Variants in KIF1A observed in about 807,000 individuals in gnomAD.
KIF1A encodes kinesin-like protein KIF1A.
A neutral mutation model predicts 227.3 loss-of-function variants in KIF1A; 46 were observed. The ratio of observed to expected loss-of-function variants is 0.20; its 90% CI spans 0.16 to 0.26. The LOEUF is 0.26. Among genes scored for constraint, KIF1A ranks in the 10% least tolerant of loss-of-function variants. The pLI is 1.00. For missense variants in KIF1A, 1,683 were observed against 2,485.9 expected (o/e 0.68, Z 6.87); for synonymous variants, 1,022 against 1,012.8 (o/e 1.01, Z -0.17).
intron 16 of KIF1A, 121 bp from the exon 17 acceptor site, chr2:240,769,329 G>T (rs555037831): frequency 1.2e-6 from 1 of 801,688 alleles, no homozygotes; most frequent in Non-Finnish European, 2.0e-6. Context: ...GTGCCCATGC[G>T]TGTCCCATCT....
chr2:240,816,439 T>C (rs74000010), intron 1 of KIF1A, among the ~76,000 whole-genome samples: 1,965 of 152,068 alleles, frequency 0.013, 29 homozygotes, highest in African/African-American at 0.044. Context: ...GGGTGACTGC[T>C]CTGGACCCCT....
rs867667869 is a variant in KIF1A, at chr2:240,793,162, G to A, written c.107-3850C>T. The stretch of plus-strand genomic sequence containing the variant: ...TCCCCGACTGCTCGGGATTGGGGGA[G>A]CCCACAGCGGAGGCTGGGGGCCTGG... On this transcript the variant is annotated intron_variant, in intron 2 of 48. Coordinates refer to ENST00000498729, the MANE Select transcript of KIF1A (RefSeq NM_001244008.2). The surrounding 1 kb of genome is among the most constrained non-coding windows in gnomAD (Gnocchi z 4.8). 6.6e-6 allele frequency among the ~76,000 whole-genome samples: 1 copy of A among 152,218 alleles called. No individual in the cohort carries two copies. The highest frequency in any genetic ancestry group is 1.5e-5 in the Non-Finnish European group (1 of 68,024).
chr2:240,819,933 A>C (rs1399176773), intron 1 of KIF1A, among the ~76,000 whole-genome samples, 189 bp downstream of exon 1: 1 of 152,090 alleles, frequency 6.6e-6, no homozygotes, highest in Non-Finnish European at 1.5e-5. Context: ...TTCTCTGCGG[A>C]GATGGAGGAA....
chr2:240,782,520 G>A (rs2054193738), intron 10 of KIF1A, 70 bp downstream of exon 10: 1 of 1,495,948 alleles, frequency 6.7e-7, no homozygotes, highest in Non-Finnish European at 9.1e-7. Context: ...CTCACCACAG[G>A]GCGCCAATGC....
At chr2:240,780,323 C>T (rs1210025927) in intron 10 of KIF1A, among the ~76,000 whole-genome samples, 1 of 152,080 alleles carries the variant, frequency 6.6e-6, no homozygotes, top group Admixed American at 6.5e-5. Flanking sequence ...CCCATTTCCA[C>T]AGGTCCTCAG....
intron 17 of KIF1A, 45 bp downstream of exon 17, chr2:240,769,088 C>G: frequency 6.6e-7 from 1 of 1,514,554 alleles, no homozygotes; most frequent in Non-Finnish European, 9.1e-7. Context: ...CTCACCTGGT[C>G]CTGTTCAGAT....
rs1553632611 is a variant in KIF1A at position 240,757,454 on chromosome 2, TCCC to T, written c.2720_2722del (p.Gly907del). 3.3e-6 allele frequency: 5 copies of T among 1,502,880 alleles called. No individual in the cohort carries two copies. The highest frequency in any genetic ancestry group is 1.2e-5 in the South Asian group (1 of 80,782). 93.1% of individuals were successfully genotyped at this position (1,502,880 alleles called of 1,614,324 possible). ...CTCCTCCTCCTCCTCCTCCTCCTCCTCCCCCACGCTCTGCTCCTCGGCAGGCTC... is the reference window on the plus strand; with the variant it reads ...CTCCTCCTCCTCCTCCTCCTCCTCCTCCACGCTCTGCTCCTCGGCAGGCTC... On this transcript the variant is annotated inframe_deletion, in exon 27 of 49. Transcript: ENST00000498729. This position sits in a 1 kb window ranked among gnomAD's most constrained non-coding sequence, Gnocchi z 6.2.
Position 240,724,164 on chromosome 2 carries a change from G to A in KIF1A, c.4257-128C>T, listed in dbSNP as rs917613242. The A allele has an allele frequency of 6.2e-6, 5 of 802,542 alleles. No homozygotes were observed. The African/African-American group carries it at 8.4e-5, about 13-fold the overall frequency. The allele number at this position is 802,542 out of a possible 1,614,324, so 49.7% of individuals were successfully genotyped here. ...CCTGGCTGGGGTGATGGGGTGTTGA[G>A]GTCCCTGAGCTACAGCCCCTGTTCA... On this transcript the variant is annotated intron_variant, in intron 40 of 48. Coordinates refer to ENST00000498729, the MANE Select transcript of KIF1A (RefSeq NM_001244008.2).
At chr2:240,772,980 C>A (rs1433906074) in intron 13 of KIF1A, 134 bp downstream of exon 13, 6 of 922,092 alleles carry the variant, frequency 6.5e-6, no homozygotes, top group South Asian at 1.8e-5. Context: ...GCTCTGGGAG[C>A]GGTGTGGAGC....
In KIF1A at chr2:240,719,090, G is replaced by A. The variant is rs553465326; in HGVS notation, c.5130C>T (p.Ser1710=). Residue 1710 remains serine, a synonymous_variant, in exon 47 of 49, where the codon AGC becomes AGT. Transcript: ENST00000498729. ...VRRPYAYMYN[S]DKDTVERFVL... is the part of the protein sequence containing the mutation. ...CGAACCGCTCCACGGTGTCCTTGTC[G>A]CTGTTGTACATGTAGGCATAGGGGC... The A allele has an allele frequency of 5.4e-5, 87 of 1,612,574 alleles. No individual in the cohort carries two copies. The Admixed American group carries it at 9.3e-4, about 17-fold the overall frequency.
At position 240,818,244 on chromosome 2, in the gene KIF1A, C is replaced by T. The variant is rs139138939; in HGVS notation, c.-61+1878G>A. On this transcript the variant is annotated intron_variant, in intron 1 of 48. Transcript: ENST00000498729. ...GCAGGGCCTCAGATCCATCTGCAGC[C>T]GGAGTGAAGCTGTTCATCCGGGCCC... 1.7e-3 allele frequency among the ~76,000 whole-genome samples: 256 copies of T among 152,280 alleles called. No homozygotes were observed. The Middle Eastern group carries it at 0.017, about 10-fold the overall frequency.
chr2:240,798,852 G>T (rs528423551), intron 1 of KIF1A, among the ~76,000 whole-genome samples: 1 of 152,342 alleles, frequency 6.6e-6, no homozygotes, highest in East Asian at 1.9e-4. Context: ...AGCCTGACAC[G>T]AGAGGTTTTC....
intron 23 of KIF1A, 120 bp from the exon 24 acceptor site, chr2:240,761,497 GCT>G: frequency 1.1e-6 from 1 of 902,474 alleles, no homozygotes; most frequent in Non-Finnish European, 1.6e-6. Context: ...CTGACCCTGT[GCT>G]CTGTGTACAT....
Position 240,725,613 on chromosome 2 carries a change from G to T in KIF1A, c.4123-209C>A. 1 of 573,534 alleles carries T rather than the reference G, an allele frequency of 1.7e-6. No homozygotes were observed. The highest frequency in any genetic ancestry group is 3.1e-6 in the Non-Finnish European group (1 of 327,376). 35.5% of individuals were successfully genotyped at this position (573,534 alleles called of 1,614,324 possible). ...ACTGGGGACAGGTAGCCACAGCTCTGTCCACCCCTGGGCTGCCTGAGGGAC... is the reference window on the plus strand; with the variant it reads ...ACTGGGGACAGGTAGCCACAGCTCTTTCCACCCCTGGGCTGCCTGAGGGAC... On this transcript the variant is annotated intron_variant, in intron 39 of 48. Transcript: ENST00000498729. The surrounding 1 kb of genome is among the most constrained non-coding windows in gnomAD (Gnocchi z 5.8).
intron 10 of KIF1A, among the ~76,000 whole-genome samples, chr2:240,780,231 C>T (rs1482230763): frequency 4.6e-5 from 7 of 152,012 alleles, no homozygotes; most frequent in African/African-American, 1.5e-4. Context: ...AGCCCAGCAC[C>T]GCTCCCCGAG....
At chr2:240,776,745 G>GCA (rs2052770262) in intron 10 of KIF1A, among the ~76,000 whole-genome samples, 1 of 152,204 alleles carries the variant, frequency 6.6e-6, no homozygotes, top group Non-Finnish European at 1.5e-5. Flanking sequence ...CTCTGACCCT[G>GCA]GAGCCTGCAC....
chr2:240,778,179 C>T lies in KIF1A; in HGVS notation c.883-2253G>A, dbSNP rs1451777239. ...CAGTCACTCGAATGCGGACCCCACC[C>T]ACGGGATGGCTGCCGGTCACACCAT... On this transcript the variant is annotated intron_variant, in intron 10 of 48. Coordinates refer to ENST00000498729, the MANE Select transcript of KIF1A (RefSeq NM_001244008.2). The surrounding 1 kb of genome is among the most constrained non-coding windows in gnomAD (Gnocchi z 7.2). Among the ~76,000 whole-genome samples the T allele has an allele frequency of 6.6e-6, 1 of 152,128 alleles. No individual in the cohort carries two copies. The highest frequency in any genetic ancestry group is 1.5e-5 in the Non-Finnish European group (1 of 68,020).
chr2:240,752,120 G>A lies in KIF1A; in HGVS notation c.2859-1573C>T, dbSNP rs1441698695. Among the ~76,000 whole-genome samples the A allele has an allele frequency of 6.6e-6, 1 of 152,054 alleles. No homozygotes were observed. The highest frequency in any genetic ancestry group is 1.5e-5 in the Non-Finnish European group (1 of 67,990). ...TCTCCGGGGGTAAAGGAAGCCCCTGGTGGCTTTTTGGGCCCTCTCCCCAGC... is the reference window on the plus strand; with the variant it reads ...TCTCCGGGGGTAAAGGAAGCCCCTGATGGCTTTTTGGGCCCTCTCCCCAGC... On this transcript the variant is annotated intron_variant, in intron 27 of 48. Transcript: ENST00000498729. The surrounding 1 kb of genome is among the most constrained non-coding windows in gnomAD (Gnocchi z 6.4).
At chr2:240,756,509 T>G (rs1305822430) in intron 27 of KIF1A, among the ~76,000 whole-genome samples, 2 of 152,226 alleles carry the variant, frequency 1.3e-5, no homozygotes, top group African/African-American at 4.8e-5. Context: ...AACCGTGGCT[T>G]CTCATCCATT....
Sources: gnomAD v4.1 joint callset for allele counts (sites outside exome capture counted in the v4.1 genomes callset) on GRCh38, gnomAD v4.1.1 for gene constraint, Gnocchi (gnomAD v3.1) non-coding constraint, MANE v1.5 for transcripts, NCBI Gene and HGNC (gene_info 2026-07-23, HGNC 2026-07-21) for gene names.